The following BARD1 variants were observed in gnomAD, a reference collection of about 807,000 sequenced individuals.
BARD1 encodes the protein BRCA1 associated RING domain 1.
BARD1 carries 73 observed loss-of-function variants against 77.0 expected under a neutral mutation model. The observed-to-expected ratio is 0.95, with a 90% CI of 0.79 to 1.15. BARD1 has a LOEUF of 1.15. Ranked by LOEUF, BARD1 falls within the 50% of genes most tolerant of loss-of-function variation. BARD1 has a pLI of 0.00. For missense variants in BARD1, 993 were observed against 938.8 expected (o/e 1.06, Z -0.75); for synonymous variants, 384 against 338.0 (o/e 1.14, Z -1.49).
intron 9 of BARD1, among the ~76,000 whole-genome samples, chr2:214,736,382 C>G (rs554262942): frequency 2.0e-5 from 3 of 152,104 alleles, no homozygotes; most frequent in African/African-American, 7.2e-5. Context: ...TTCCTCATTA[C>G]GTAAGCAGGT....
intron 7 of BARD1, among the ~76,000 whole-genome samples, chr2:214,751,151 A>ATATATATATTTTTTTT (rs1693429141): frequency 2.7e-5 from 1 of 37,196 alleles, no homozygotes; most frequent in Non-Finnish European, 4.6e-5. Context: ...ATATATATAT[A>ATATATATATTTTTTTT]TTTTTTTTTT....
chr2:214,807,720 T>C (rs1309724283), intron 1 of BARD1, among the ~76,000 whole-genome samples: 1 of 103,656 alleles, frequency 9.6e-6, no homozygotes, highest in Non-Finnish European at 2.0e-5. Context: ...TCATTAGTAT[T>C]ACTCATATCC....
intron 6 of BARD1, among the ~76,000 whole-genome samples, chr2:214,767,001 G>C (rs1250095544): frequency 2.0e-5 from 3 of 151,956 alleles, no homozygotes; most frequent in Non-Finnish European, 4.4e-5. Context: ...GTAGACTCTG[G>C]TGTCTGTTGT....
intron 6 of BARD1, among the ~76,000 whole-genome samples, chr2:214,752,881 C>G (rs748161440): frequency 1.3e-5 from 2 of 152,058 alleles, no homozygotes; most frequent in East Asian, 3.9e-4. Flanking sequence ...CAATAAAAAT[C>G]ATTTACTATA....
At position 214,726,579 on chromosome 2, in the gene BARD1, G is replaced by A. The variant is rs879388389; in HGVS notation, c.*2097C>T. 10 of 229,356 alleles carry A rather than the reference G, an allele frequency of 4.4e-5. No homozygotes were observed. Among genetic ancestry groups the A allele is most frequent in the Non-Finnish European group, 8.6e-5 (10 of 115,750 alleles). The allele number at this position is 229,356 out of a possible 1,614,324, so 14.2% of individuals were successfully genotyped here. A position where few individuals can be genotyped will look rare whatever the true frequency, so the allele number is the denominator to read the frequency against. ...ATAGACTTCCTCACCAAGTCATGTTGAGCCTCATTCAACAGCACAGAATAA... is the reference window on the plus strand; with the variant it reads ...ATAGACTTCCTCACCAAGTCATGTTAAGCCTCATTCAACAGCACAGAATAA... On this transcript the variant is annotated 3_prime_UTR_variant, in exon 11 of 11. Coordinates refer to ENST00000260947, the MANE Select transcript of BARD1 (RefSeq NM_000465.4).
intron 6 of BARD1, among the ~76,000 whole-genome samples, chr2:214,761,354 C>A (rs111375557): frequency 6.6e-6 from 1 of 150,676 alleles, no homozygotes; most frequent in Non-Finnish European, 1.5e-5. Context: ...TATCAAAATC[C>A]GAGGCAAAAA....
At position 214,809,475 on chromosome 2, in the gene BARD1, C is replaced by A. The variant is rs587782675; in HGVS notation, c.95G>T (p.Gly32Val). 9.9e-6 allele frequency: 16 copies of A among 1,609,936 alleles called. No individual in the cohort carries two copies. The East Asian group carries it at 3.6e-4, about 36-fold the overall frequency. Reference protein sequence around the residue: ...SAPAMEPDGRGAWAHSRAALD... With the variant: ...SAPAMEPDGRVAWAHSRAALD... ...CGCGGCGCGACTGTGGGCCCAGGCA[C>A]CGCGACCATCCGGTTCCATGGCGGG... is the stretch of plus-strand genomic sequence containing the variant. The change falls in exon 1 of 11, where the codon GGT (glycine) becomes GTT (valine). Residue 32 changes from glycine to valine, a missense_variant. Gly to Val is a moderately radical substitution (Grantham distance 109). Transcript: ENST00000260947.
At chr2:214,737,146 T>C (rs1006107437) in intron 9 of BARD1, among the ~76,000 whole-genome samples, 1 of 152,102 alleles carries the variant, frequency 6.6e-6, no homozygotes, top group Non-Finnish European at 1.5e-5. Flanking sequence ...CCAGGTAGAT[T>C]ACATAAATGT....
chr2:214,798,105 C>T (rs1574849059), intron 1 of BARD1, among the ~76,000 whole-genome samples: 1 of 152,128 alleles, frequency 6.6e-6, no homozygotes, highest in South Asian at 2.1e-4. Flanking sequence ...ACACATACCA[C>T]GTATCAATAA....
rs563619274 is a variant in BARD1, at chr2:214,726,426, A to C, written c.*2250T>G. ...GTAATTGTTTCTTAATGACTATTCCAAACTATCAAAGTTATACTGTATTCG... is the reference window on the plus strand; with the variant it reads ...GTAATTGTTTCTTAATGACTATTCCCAACTATCAAAGTTATACTGTATTCG... On this transcript the variant is annotated 3_prime_UTR_variant, in exon 11 of 11. Transcript: ENST00000260947. 1 of 210,352 alleles carries C rather than the reference A, an allele frequency of 4.8e-6. No individual in the cohort carries two copies. The highest frequency in any genetic ancestry group is 9.6e-6 in the Non-Finnish European group (1 of 103,674). 13.0% of individuals were successfully genotyped at this position (210,352 alleles called of 1,614,324 possible). A position where few individuals can be genotyped will look rare whatever the true frequency, so the allele number is the denominator to read the frequency against.
chr2:214,805,176 T>C (rs781760160), intron 1 of BARD1, among the ~76,000 whole-genome samples: 2 of 152,058 alleles, frequency 1.3e-5, no homozygotes, highest in African/African-American at 2.4e-5. Flanking sequence ...AAAGAAAATC[T>C]ATTCATATTT....
At chr2:214,739,157 G>A (rs79141081) in intron 9 of BARD1, among the ~76,000 whole-genome samples, 3,150 of 151,700 alleles carry the variant, frequency 0.021, 96 homozygotes, top group African/African-American at 0.069. Context: ...AAAAAGGGTT[G>A]TTATTATTCT....
At chr2:214,739,986 C>T (rs1559381647) in intron 9 of BARD1, among the ~76,000 whole-genome samples, 1 of 151,732 alleles carries the variant, frequency 6.6e-6, no homozygotes, top group Non-Finnish European at 1.5e-5. Flanking sequence ...ATTCTAAGAC[C>T]TTGTATTATG....
At chr2:214,772,748 ATCTT>A (rs1694564322) in intron 4 of BARD1, among the ~76,000 whole-genome samples, 1 of 152,156 alleles carries the variant, frequency 6.6e-6, no homozygotes, top group African/African-American at 2.4e-5. Context: ...TCATATTTTC[ATCTT>A]TCTACTTCAT....
intron 9 of BARD1, among the ~76,000 whole-genome samples, chr2:214,743,586 T>C (rs1692948106): frequency 8.8e-6 from 1 of 114,020 alleles, no homozygotes; most frequent in African/African-American, 3.4e-5. Context: ...ATTTCACTAG[T>C]TATTTATTTT....
At chr2:214,794,085 C>T (rs1039250839) in intron 2 of BARD1, among the ~76,000 whole-genome samples, 15 of 151,912 alleles carry the variant, frequency 9.9e-5, no homozygotes, top group Admixed American at 7.2e-4. Flanking sequence ...AACCTTGTCT[C>T]TACAAAAAAC....
intron 1 of BARD1, among the ~76,000 whole-genome samples, chr2:214,808,288 A>C (rs1696370304): frequency 6.6e-6 from 1 of 152,224 alleles, no homozygotes. Flanking sequence ...GGGCGCCTGC[A>C]GTCCCAGCTA....
chr2:214,780,418 T>G, intron 4 of BARD1, 142 bp downstream of exon 4: 1 of 746,426 alleles, frequency 1.3e-6, no homozygotes, highest in Non-Finnish European at 2.2e-6. Context: ...CCTATGAATC[T>G]GGCTTCTCTG....
rs917334004 is a variant in BARD1 at position 214,728,241 on chromosome 2, A to AAT, written c.*433_*434dup. The AAT allele has an allele frequency of 4.2e-6, 1 of 239,720 alleles. No individual in the cohort carries two copies. Among genetic ancestry groups the AAT allele is most frequent in the African/African-American group, 2.2e-5 (1 of 45,038 alleles). 14.8% of individuals were successfully genotyped at this position (239,720 alleles called of 1,614,324 possible). ...CATTTAGACCAAATACTCTTTTTTC[A>AAT]ATAAAGCCAAAATAAATTGTTTGAT... is the stretch of plus-strand genomic sequence containing the variant. On this transcript the variant is annotated 3_prime_UTR_variant, in exon 11 of 11. Coordinates refer to ENST00000260947, the MANE Select transcript of BARD1 (RefSeq NM_000465.4).
Sources: allele counts gnomAD v4.1 joint callset (sites outside exome capture counted in the v4.1 genomes callset), GRCh38; gene constraint gnomAD v4.1.1; transcripts MANE v1.5; gene names NCBI Gene and HGNC (gene_info 2026-07-23, HGNC 2026-07-21).